Variants in FKBP5 observed in about 807,000 individuals in gnomAD.
FKBP5 encodes peptidyl-prolyl cis-trans isomerase FKBP5.
Under a neutral mutation model 50.5 loss-of-function variants are expected in FKBP5, and 23 were observed. That is an observed-to-expected ratio of 0.46 (90% CI 0.33 to 0.65). FKBP5 has a LOEUF of 0.65. FKBP5 is among the 30% of genes least tolerant of loss of function. The pLI is 0.02. For missense variants in FKBP5, 411 were observed against 553.1 expected, an observed-to-expected ratio of 0.74 and a Z score of 2.58; for synonymous variants, 176 against 190.6, an observed-to-expected ratio of 0.92 and a Z score of 0.63.
At chr6:35,701,917 G>A (rs546155132) in intron 2 of FKBP5, among the ~76,000 whole-genome samples, 21 of 149,808 alleles carry the variant, frequency 1.4e-4, no homozygotes, top group East Asian at 2.0e-4. Flanking sequence ...GCATGATTTC[G>A]GCTCACTGCA....
intron 1 of FKBP5, among the ~76,000 whole-genome samples, chr6:35,657,017 C>T (rs1764973653): frequency 6.6e-6 from 1 of 151,766 alleles, no homozygotes; most frequent in East Asian, 1.9e-4. Flanking sequence ...CGAGACCATC[C>T]TGTCTAACAC....
At chr6:35,610,613 T>G (rs1301433396) in intron 5 of FKBP5, among the ~76,000 whole-genome samples, 1 of 151,380 alleles carries the variant, frequency 6.6e-6, no homozygotes, top group Non-Finnish European at 1.5e-5. Context: ...TACATTCATT[T>G]TCCCTAGTCG....
chr6:35,693,225 C>T (rs572094889), upstream of FKBP5, among the ~76,000 whole-genome samples: 35 of 143,146 alleles, frequency 2.4e-4, no homozygotes, highest in Admixed American at 5.0e-4. Context: ...TGCAGTGGCG[C>T]GATCTCAGCT....
chr6:35,595,751 A>C lies in FKBP5; in HGVS notation c.665+1497T>G, dbSNP rs540291921. Among the ~76,000 whole-genome samples, 146 of 141,900 alleles carry C rather than the reference A, an allele frequency of 1.0e-3. 1 individual carries two copies. The highest frequency in any genetic ancestry group is 3.6e-3 in the African/African-American group (140 of 38,520). The allele number at this position is 141,900 out of a possible 152,430, so 93.1% of individuals were successfully genotyped here. A position where few individuals can be genotyped will look rare whatever the true frequency, so the allele number is the denominator to read the frequency against. ...GGCGACAGAGTGAGATCCTGTTACC[A>C]AAAAAAAAAAAGTAATTAGAGATTA... On this transcript the variant is annotated intron_variant, in intron 6 of 10. Coordinates refer to ENST00000357266, the MANE Select transcript of FKBP5 (RefSeq NM_004117.4).
intron 8 of FKBP5, chr6:35,582,593 C>T (rs1333410745): frequency 1.1e-6 from 1 of 898,240 alleles, no homozygotes; most frequent in African/African-American, 1.8e-5. Flanking sequence ...ACACCTTGAT[C>T]TGGGACTTAC....
At chr6:35,705,252 ATATATATTTTTTT>A (rs1766283692) in intron 2 of FKBP5, among the ~76,000 whole-genome samples, 1 of 4,622 alleles carries the variant, frequency 2.2e-4, no homozygotes, top group Non-Finnish European at 2.7e-4. Context: ...ATATATATAT[ATATATATTTTTTT>A]TTTTTTTTTT....
intron 1 of FKBP5, among the ~76,000 whole-genome samples, chr6:35,676,490 A>T (rs940727566): frequency 2.0e-5 from 3 of 152,372 alleles, no homozygotes; most frequent in African/African-American, 2.4e-5. Flanking sequence ...AACACGCCCA[A>T]GATCATACAG....
intron 3 of FKBP5, among the ~76,000 whole-genome samples, chr6:35,636,413 G>T (rs1764310654): frequency 6.6e-6 from 1 of 152,130 alleles, no homozygotes; most frequent in Non-Finnish European, 1.5e-5. Context: ...GCCCTTTCAA[G>T]TAAAAATGGT....
At chr6:35,593,421 G>A (rs1762881770) in intron 6 of FKBP5, among the ~76,000 whole-genome samples, 1 of 152,182 alleles carries the variant, frequency 6.6e-6, no homozygotes, top group African/African-American at 2.4e-5. Flanking sequence ...AAGACACAGA[G>A]TGCTTCCTGA....
At chr6:35,641,795 A>G (rs556288802) in intron 2 of FKBP5, among the ~76,000 whole-genome samples, 1 of 152,200 alleles carries the variant, frequency 6.6e-6, no homozygotes, top group South Asian at 2.1e-4. Flanking sequence ...ACCTGAGGTC[A>G]GGAGTTCAAG....
intron 8 of FKBP5, chr6:35,580,458 C>T (rs1762389372): frequency 2.5e-6 from 1 of 395,286 alleles, no homozygotes; most frequent in Admixed American, 4.2e-5. Flanking sequence ...CATTTCCATC[C>T]GTCCCTTCAG....
In FKBP5 at chr6:35,646,839, G is replaced by C. The variant is rs1269130832; in HGVS notation, c.-19-3996C>G. Among the ~76,000 whole-genome samples, 4 of 152,192 alleles carry C rather than the reference G, an allele frequency of 2.6e-5. No homozygotes were observed. The East Asian group carries it at 7.7e-4, about 29-fold the overall frequency. ...TAAGCATACACTCTCCAAAGTGCTA[G>C]TCAGCAAACACCTGAGACATAACAG... On this transcript the variant is annotated intron_variant, in intron 1 of 10. Transcript: ENST00000357266.
chr6:35,659,089 A>C lies in FKBP5; in HGVS notation c.-19-16246T>G, dbSNP rs1010020603. Among the ~76,000 whole-genome samples the C allele has an allele frequency of 3.6e-5, 3 of 84,004 alleles. 1 individual carries two copies. Among genetic ancestry groups the C allele is most frequent in the African/African-American group, 1.1e-4 (3 of 27,150 alleles). The allele number at this position is 84,004 out of a possible 152,430, so 55.1% of individuals were successfully genotyped here. A position where few individuals can be genotyped will look rare whatever the true frequency, so the allele number is the denominator to read the frequency against. The stretch of plus-strand genomic sequence containing the variant: ...GCGAGACCCTGGTTCAGGAAGAAAT[A>C]AGTAAATAAATAATAAAAATCATAG... On this transcript the variant is annotated intron_variant, in intron 1 of 10. Coordinates refer to ENST00000357266, the MANE Select transcript of FKBP5 (RefSeq NM_004117.4).
intron 1 of FKBP5, among the ~76,000 whole-genome samples, chr6:35,676,530 T>C (rs757016421): frequency 2.6e-5 from 4 of 152,266 alleles, no homozygotes; most frequent in Admixed American, 6.5e-5. Context: ...CTGAATCTCA[T>C]TCCAGTGTCT....
chr6:35,639,493 T>C lies in FKBP5; in HGVS notation c.106-2335A>G, dbSNP rs139175423. 5.3e-4 allele frequency among the ~76,000 whole-genome samples: 80 copies of C among 152,308 alleles called. No individual in the cohort carries two copies. In the East Asian group the frequency reaches 0.013, roughly 25 times the overall value. The stretch of plus-strand genomic sequence containing the variant: ...AGGGTCTGAGGCAAGTTGGGGATCA[T>C]GTTCTCTGGGCATGGGCACTCTGAA... On this transcript the variant is annotated intron_variant, in intron 2 of 10. Transcript: ENST00000357266.
chr6:35,712,885 C>T (rs561165402), intron 2 of FKBP5, among the ~76,000 whole-genome samples: 2 of 152,028 alleles, frequency 1.3e-5, no homozygotes, highest in South Asian at 2.1e-4. Flanking sequence ...TTTTGCTTTC[C>T]TGTTCAGGTC....
At chr6:35,584,739 CATTA>C (rs1762549434) in intron 8 of FKBP5, 1 of 985,312 alleles carries the variant, frequency 1.0e-6, no homozygotes, top group Non-Finnish European at 1.2e-6. Context: ...TTGAACCTTT[CATTA>C]ATTTTTCCCC....
chr6:35,606,150 T>C (rs1489794515), intron 5 of FKBP5, among the ~76,000 whole-genome samples: 2 of 152,158 alleles, frequency 1.3e-5, no homozygotes, highest in Non-Finnish European at 2.9e-5. Flanking sequence ...AGAAAACATT[T>C]GCAAATTATG....
chr6:35,583,181 T>C, intron 8 of FKBP5: 2 of 985,430 alleles, frequency 2.0e-6, no homozygotes, highest in Non-Finnish European at 2.4e-6. Flanking sequence ...TGAGATGAGA[T>C]AGGAAGGACA....
Sources: gnomAD v4.1 joint callset for allele counts (sites outside exome capture counted in the v4.1 genomes callset) on GRCh38, gnomAD v4.1.1 for gene constraint, MANE v1.5 for transcripts, NCBI Gene and HGNC (gene_info 2026-07-23, HGNC 2026-07-21) for gene names.